The following ELF4 variants were observed in gnomAD, a reference collection of about 807,000 sequenced individuals.
ELF4 encodes the protein ETS-related transcription factor Elf-4.
ELF4 carries 10 observed loss-of-function variants against 31.7 expected under a neutral mutation model. The observed-to-expected ratio is 0.32, with a 90% confidence interval of 0.19 to 0.54. The LOEUF is 0.54. Among genes scored for constraint, ELF4 ranks in the 20% least tolerant of loss-of-function variants. The pLI, the probability that ELF4 is intolerant of heterozygous loss-of-function variation, is 0.95. For synonymous variants in ELF4, 208 were observed against 226.7 expected (o/e 0.92, Z 0.74); for missense variants, 418 against 522.0 (o/e 0.80, Z 1.94).
At chrX:130,070,506 T>C (rs1400549864) in intron 7 of ELF4, among the ~76,000 whole-genome samples, 13 of 107,510 alleles carry the variant, frequency 1.2e-4, no homozygotes, top group Non-Finnish European at 1.5e-4. Flanking sequence ...ACCCGGGAGG[T>C]AGAGCTTGCA....
intron 7 of ELF4, 86 bp from the exon 8 acceptor site, chrX:130,069,763 G>C (rs1350176099): frequency 8.5e-7 from 1 of 1,173,619 alleles, no homozygotes; most frequent in Admixed American, 2.2e-5. Context: ...GCTCCTCCCC[G>C]AGGGCTAGGC....
intron 1 of ELF4, among the ~76,000 whole-genome samples, chrX:130,105,510 G>A (rs976249228): frequency 3.4e-4 from 38 of 111,371 alleles, no homozygotes; most frequent in African/African-American, 1.1e-3. Context: ...GGGGATGTCC[G>A]GGAGTTTTTT....
intron 1 of ELF4, among the ~76,000 whole-genome samples, chrX:130,105,890 G>GTC (rs1933370340): frequency 9.4e-6 from 1 of 106,538 alleles, no homozygotes; most frequent in South Asian, 4.2e-4. Flanking sequence ...GTGTGTGTGT[G>GTC]TGTGTGTGTG....
chrX:130,070,864 C>T (rs1932781419), intron 7 of ELF4, among the ~76,000 whole-genome samples, 176 bp downstream of exon 7: 1 of 108,823 alleles, frequency 9.2e-6, no homozygotes, highest in African/African-American at 3.3e-5. Context: ...GAGGGGGGCT[C>T]TTCCTGCCAG....
At chrX:130,068,994 C>T (rs940505408) in intron 8 of ELF4, among the ~76,000 whole-genome samples, 2 of 111,623 alleles carry the variant, frequency 1.8e-5, no homozygotes, top group Non-Finnish European at 3.8e-5. Flanking sequence ...GAGGCCAAGG[C>T]GGGCAGATCA....
intron 1 of ELF4, among the ~76,000 whole-genome samples, chrX:130,089,354 C>A (rs1776767757): frequency 9.6e-6 from 1 of 104,653 alleles, no homozygotes; most frequent in Non-Finnish European, 2.0e-5. Context: ...AAAAAAAATA[C>A]AAAAATTAGC....
intron 4 of ELF4, among the ~76,000 whole-genome samples, chrX:130,073,731 C>T (rs1185498567): frequency 1.8e-5 from 2 of 111,278 alleles, no homozygotes; most frequent in African/African-American, 6.5e-5. Flanking sequence ...AGGCTGGTCT[C>T]GAACTCCTGA....
intron 4 of ELF4, 86 bp downstream of exon 4, chrX:130,073,963 T>G: frequency 9.9e-7 from 1 of 1,005,435 alleles, no homozygotes; most frequent in South Asian, 1.9e-5. Flanking sequence ...TGTGCACACA[T>G]GCCTGAGAAA....
At position 130,066,471 on chromosome X, in the gene ELF4, A is replaced by T. The variant is rs1012641478; in HGVS notation, c.*250T>A. 5.2e-5 allele frequency: 20 copies of T among 382,189 alleles called. No individual in the cohort carries two copies. The Admixed American group carries it at 9.7e-4, about 19-fold the overall frequency. 31.5% of individuals were successfully genotyped at this position (382,189 alleles called of 1,213,427 possible). The stretch of plus-strand genomic sequence containing the variant: ...GCCTGGCTCAAGGCTTTTTCCCTCC[A>T]TCACCAAGTCAGCCCGTTATGCTGC... On this transcript the variant is annotated 3_prime_UTR_variant, in exon 9 of 9. Coordinates refer to ENST00000308167, the MANE Select transcript of ELF4 (RefSeq NM_001421.4).
chrX:130,093,317 A>G (rs1186660234), intron 1 of ELF4, among the ~76,000 whole-genome samples: 2 of 111,044 alleles, frequency 1.8e-5, no homozygotes, highest in African/African-American at 3.3e-5. Context: ...AAAAAAAAAA[A>G]AAAAATCCAC....
chrX:130,100,840 T>A (rs1322159041), intron 1 of ELF4, among the ~76,000 whole-genome samples: 3 of 112,298 alleles, frequency 2.7e-5, no homozygotes, highest in Non-Finnish European at 5.6e-5. Flanking sequence ...CATTCATGAA[T>A]GAAGTTCACC....
intron 1 of ELF4, among the ~76,000 whole-genome samples, chrX:130,101,801 A>AAAAAC (rs3080372): frequency 0.2 from 19,604 of 97,256 alleles, 1,971 homozygotes; most frequent in South Asian, 0.32. Context: ...CTCCGTCTCA[A>AAAAAC]AAAACAAAAC....
At chrX:130,099,844 C>T (rs551975973) in intron 1 of ELF4, among the ~76,000 whole-genome samples, 2 of 111,165 alleles carry the variant, frequency 1.8e-5, no homozygotes, top group African/African-American at 6.5e-5. Flanking sequence ...GCCATGTTAG[C>T]CAGGCTGGTC....
At chrX:130,106,062 G>C (rs191877668) in intron 1 of ELF4, among the ~76,000 whole-genome samples, 43 of 111,175 alleles carry the variant, frequency 3.9e-4, no homozygotes, top group Admixed American at 9.6e-4. Context: ...AATCATCCAG[G>C]CTTCGAAGGT....
intron 1 of ELF4, among the ~76,000 whole-genome samples, chrX:130,096,941 G>A (rs1933158956): frequency 9.0e-6 from 1 of 110,875 alleles, no homozygotes; most frequent in Non-Finnish European, 1.9e-5. Context: ...TGAAGTAGGC[G>A]AGTTTGGTAA....
At chrX:130,108,882 T>C (rs1342070581) in intron 1 of ELF4, among the ~76,000 whole-genome samples, 5 of 106,348 alleles carry the variant, frequency 4.7e-5, no homozygotes, top group Non-Finnish European at 9.6e-5. Context: ...AGATGCAAGG[T>C]AGCCTCTTCC....
chrX:130,081,349 T>C lies in ELF4; in HGVS notation c.-19A>G. On this transcript the variant is annotated 5_prime_UTR_variant, in exon 2 of 9. Coordinates refer to ENST00000308167, the MANE Select transcript of ELF4 (RefSeq NM_001421.4). ...TAGCCATGCTGTCTTTTCAGAGAGC[T>C]GACAACGGGATTATCAGAGCCCTCC... 1 of 1,205,278 alleles carries C rather than the reference T, an allele frequency of 8.3e-7. No homozygotes were observed. The highest frequency in any genetic ancestry group is 1.1e-6 in the Non-Finnish European group (1 of 889,314).
At chrX:130,102,307 A>C (rs748973275) in intron 1 of ELF4, among the ~76,000 whole-genome samples, 11 of 112,453 alleles carry the variant, frequency 9.8e-5, no homozygotes, top group Non-Finnish European at 1.9e-4. Flanking sequence ...AACAAAAGCA[A>C]AGTTGAAAGG....
intron 4 of ELF4, among the ~76,000 whole-genome samples, chrX:130,073,004 A>AG (rs1932801795): frequency 8.9e-6 from 1 of 112,128 alleles, no homozygotes; most frequent in Admixed American, 9.4e-5. Flanking sequence ...CATCTGCCTG[A>AG]GGGGTCATTG....
Sources: allele counts gnomAD v4.1 joint callset (sites outside exome capture counted in the v4.1 genomes callset), GRCh38; gene constraint gnomAD v4.1.1; transcripts MANE v1.5; gene names NCBI Gene and HGNC (gene_info 2026-07-23, HGNC 2026-07-21).